The following LHFPL2 variants were observed in gnomAD, a reference collection of about 807,000 sequenced individuals.
The protein encoded by LHFPL2 is LHFPL tetraspan subfamily member 2.
A neutral mutation model predicts 17.5 loss-of-function variants in LHFPL2; 7 were observed. The ratio of observed to expected loss-of-function variants is 0.40; its 90% CI spans 0.23 to 0.75. The LOEUF is 0.75. LHFPL2 is among the 30% of genes least tolerant of loss of function. The pLI is 0.37. For synonymous variants in LHFPL2, 134 were observed against 116.2 expected, an observed-to-expected ratio of 1.15 and a Z score of -0.99; for missense variants, 241 against 294.8, an observed-to-expected ratio of 0.82 and a Z score of 1.34.
chr5:78,494,865 AAC>A (rs1476368166), intron 4 of LHFPL2, among the ~76,000 whole-genome samples: 5 of 152,220 alleles, frequency 3.3e-5, no homozygotes, highest in Admixed American at 6.5e-5. Flanking sequence ...TACACAGAGG[AAC>A]ACAGTTTTAT....
At chr5:78,580,655 G>T (rs1743093830) in intron 2 of LHFPL2, among the ~76,000 whole-genome samples, 1 of 152,092 alleles carries the variant, frequency 6.6e-6, no homozygotes, top group African/African-American at 2.4e-5. Flanking sequence ...CAGATAGTTG[G>T]AGATATGCGG....
At chr5:78,641,093 G>T (rs1338347249) in intron 1 of LHFPL2, among the ~76,000 whole-genome samples, 1 of 152,204 alleles carries the variant, frequency 6.6e-6, no homozygotes, top group African/African-American at 2.4e-5. Context: ...GGAAGGGTGT[G>T]CAAAGCAGTT....
intron 2 of LHFPL2, among the ~76,000 whole-genome samples, chr5:78,590,466 A>G (rs947956838): frequency 2.0e-5 from 3 of 152,306 alleles, no homozygotes; most frequent in African/African-American, 7.2e-5. Flanking sequence ...AATAAATACT[A>G]TAAGTAAAGT....
chr5:78,493,961 G>T (rs1459326276), intron 4 of LHFPL2, among the ~76,000 whole-genome samples: 2 of 152,214 alleles, frequency 1.3e-5, no homozygotes, highest in Non-Finnish European at 2.9e-5. Flanking sequence ...GTTACGTCCA[G>T]AGGCCAAATG....
chr5:78,510,151 A>G lies in LHFPL2; in HGVS notation c.63T>C (p.Ala21=). 1 of 1,612,752 alleles carries G rather than the reference A, an allele frequency of 6.2e-7. No homozygotes were observed. Among genetic ancestry groups the G allele is most frequent in the Non-Finnish European group, 8.5e-7 (1 of 1,179,184 alleles). Residue 21 remains alanine, a synonymous_variant, in exon 4 of 5, where the codon GCT becomes GCC. Transcript: ENST00000380345. ...MLWTLLSIVV[A]FAELIAFMSA... is the part of the protein sequence containing the mutation. ...TCATGAAGGCAATGAGCTCGGCAAA[A>G]GCCACCACAATACTCAGCAAGGTCC... is the stretch of plus-strand genomic sequence containing the variant.
chr5:78,642,623 T>C (rs1029017002), intron 1 of LHFPL2, among the ~76,000 whole-genome samples: 3 of 152,172 alleles, frequency 2.0e-5, no homozygotes, highest in Non-Finnish European at 4.4e-5. Context: ...GAGGCCTCCC[T>C]ACAAACACTT....
chr5:78,643,066 C>A (rs1369132514), intron 1 of LHFPL2, among the ~76,000 whole-genome samples: 1 of 152,088 alleles, frequency 6.6e-6, no homozygotes, highest in Non-Finnish European at 1.5e-5. Flanking sequence ...AATGCTCCAA[C>A]CTTCACACAG....
intron 2 of LHFPL2, among the ~76,000 whole-genome samples, chr5:78,613,900 A>G (rs939264799): frequency 2.0e-5 from 3 of 152,210 alleles, no homozygotes; most frequent in Non-Finnish European, 4.4e-5. Context: ...AGGACTGATT[A>G]TATGAAGGAT....
intron 4 of LHFPL2, among the ~76,000 whole-genome samples, chr5:78,503,045 C>T (rs1050714475): frequency 0.11 from 25 of 220 alleles, no homozygotes; most frequent in Admixed American, 0.43. Flanking sequence ...ACTGGGAAGA[C>T]CATCTACATA....
At chr5:78,512,178 C>T (rs16875561) in intron 3 of LHFPL2, among the ~76,000 whole-genome samples, 41,098 of 151,754 alleles carry the variant, frequency 0.27, 5,807 homozygotes, top group East Asian at 0.47. Flanking sequence ...AGGTGCCCAG[C>T]AGATTACAGA....
chr5:78,584,963 C>T (rs1414206728), intron 2 of LHFPL2, among the ~76,000 whole-genome samples: 1 of 147,510 alleles, frequency 6.8e-6, no homozygotes, highest in African/African-American at 2.5e-5. Flanking sequence ...ACCTCTGAGC[C>T]AGGTGCGGGA....
At chr5:78,512,314 C>T (rs1199478985) in intron 3 of LHFPL2, among the ~76,000 whole-genome samples, 1 of 151,610 alleles carries the variant, frequency 6.6e-6, no homozygotes. Context: ...TCCCCACTAC[C>T]TAACTCAGCT....
intron 4 of LHFPL2, among the ~76,000 whole-genome samples, chr5:78,501,072 C>A (rs998598185): frequency 6.6e-6 from 1 of 152,160 alleles, no homozygotes; most frequent in South Asian, 2.1e-4. Context: ...TGAAAAGACA[C>A]GTCACACCCT....
intron 3 of LHFPL2, among the ~76,000 whole-genome samples, chr5:78,513,913 G>A (rs1755211811): frequency 6.6e-6 from 1 of 152,152 alleles, no homozygotes. Context: ...ACTAACAGAG[G>A]CTGCAAGCAA....
At chr5:78,522,605 C>A (rs1755490616) in intron 3 of LHFPL2, among the ~76,000 whole-genome samples, 1 of 152,198 alleles carries the variant, frequency 6.6e-6, no homozygotes, top group Admixed American at 6.5e-5. Flanking sequence ...GCAATTCAGA[C>A]ACCTCTAGAA....
In LHFPL2 at chr5:78,488,246, T is replaced by TTACTCAAATTTC. The variant is rs1363898662; in HGVS notation, c.*639_*650dup. 1 of 153,208 alleles carries TTACTCAAATTTC rather than the reference T, an allele frequency of 6.5e-6. No homozygotes were observed. The highest frequency in any genetic ancestry group is 2.4e-5 in the African/African-American group (1 of 41,428). 9.5% of individuals were successfully genotyped at this position (153,208 alleles called of 1,614,324 possible). Reference sequence around the variant, plus strand: ...GATTGTATAGGTCCTTATTGTTTCTTTACTCAAATTTCTAAAATCTCTGGA... The same window carrying TTACTCAAATTTC: ...GATTGTATAGGTCCTTATTGTTTCTTTACTCAAATTTCTACTCAAATTTCTAAAATCTCTGGA... On this transcript the variant is annotated 3_prime_UTR_variant, in exon 5 of 5. Coordinates refer to ENST00000380345, the MANE Select transcript of LHFPL2 (RefSeq NM_005779.3).
At chr5:78,543,058 A>G (rs982751360) in intron 3 of LHFPL2, among the ~76,000 whole-genome samples, 4 of 152,218 alleles carry the variant, frequency 2.6e-5, no homozygotes, top group African/African-American at 9.6e-5. Flanking sequence ...GCTGTGTTAA[A>G]GGAATAGGCA....
At chr5:78,643,392 G>C (rs1229987553) in intron 1 of LHFPL2, among the ~76,000 whole-genome samples, 6 of 152,150 alleles carry the variant, frequency 3.9e-5, no homozygotes, top group African/African-American at 1.4e-4. Context: ...TGCCAGCTAA[G>C]ACTCTTCTCT....
At chr5:78,561,373 G>A (rs752246691) in intron 3 of LHFPL2, among the ~76,000 whole-genome samples, 2 of 152,140 alleles carry the variant, frequency 1.3e-5, no homozygotes, top group African/African-American at 2.4e-5. Flanking sequence ...CTACCGTATC[G>A]GATGGTGCAG....
Sources: gnomAD v4.1 joint callset for allele counts (sites outside exome capture counted in the v4.1 genomes callset) on GRCh38, gnomAD v4.1.1 for gene constraint, MANE v1.5 for transcripts, NCBI Gene and HGNC (gene_info 2026-07-23, HGNC 2026-07-21) for gene names.